The following RBFOX1 variants were observed in gnomAD, a reference collection of about 807,000 sequenced individuals.
RBFOX1 encodes the protein RNA binding protein fox-1 homolog 1.
In RBFOX1, 8 loss-of-function variants were observed where a neutral mutation model predicts 57.7. That is an observed-to-expected ratio of 0.14 (90% CI 0.08 to 0.25). RBFOX1 has a LOEUF of 0.25. Ranked by LOEUF, RBFOX1 falls within the 10% of genes least tolerant of loss-of-function variation. The pLI is 1.00. For missense variants in RBFOX1, 611 were observed against 548.5 expected, an observed-to-expected ratio of 1.11 and a Z score of -1.14; for synonymous variants, 326 against 222.4, an observed-to-expected ratio of 1.47 and a Z score of -4.15.
chr16:7,095,480 A>C (rs987909772), intron 4 of RBFOX1, among the ~76,000 whole-genome samples: 1 of 152,150 alleles, frequency 6.6e-6, no homozygotes, highest in Non-Finnish European at 1.5e-5. Context: ...AAATGAAAAC[A>C]TGCTTAATTT....
At chr16:6,983,114 A>C (rs911500017) in intron 3 of RBFOX1, among the ~76,000 whole-genome samples, 1 of 151,598 alleles carries the variant, frequency 6.6e-6, no homozygotes. Context: ...ACAGTTTTCC[A>C]GATACCAAAA....
At chr16:5,893,065 C>A (rs1189098039) in intron 4 of RBFOX1, among the ~76,000 whole-genome samples, 1 of 152,194 alleles carries the variant, frequency 6.6e-6, no homozygotes, top group Non-Finnish European at 1.5e-5. Context: ...TGGGAAGCCT[C>A]TTCAAAATCT....
intron 4 of RBFOX1, among the ~76,000 whole-genome samples, chr16:7,209,413 C>G (rs1404067625): frequency 1.3e-5 from 2 of 152,148 alleles, no homozygotes; most frequent in Non-Finnish European, 2.9e-5. Flanking sequence ...ACCCTAGTGA[C>G]CTCATTTTAA....
chr16:5,484,494 T>C (rs2151651586), intron 2 of RBFOX1, among the ~76,000 whole-genome samples: 1 of 152,352 alleles, frequency 6.6e-6, no homozygotes, highest in South Asian at 2.1e-4. Context: ...TAGAAACAGT[T>C]AAGGCTGGGC....
chr16:5,594,969 TAAAAAAA>T (rs34885484), intron 2 of RBFOX1, among the ~76,000 whole-genome samples: 24 of 90,446 alleles, frequency 2.7e-4, no homozygotes, highest in East Asian at 1.2e-3. Context: ...CTGTCTCTAC[TAAAAAAA>T]AAAAAAAAAA....
chr16:6,901,773 G>T (rs999252761), intron 3 of RBFOX1, among the ~76,000 whole-genome samples: 1 of 152,244 alleles, frequency 6.6e-6, no homozygotes, highest in South Asian at 2.1e-4. Context: ...AACACTCATA[G>T]ATGAGATGGA....
chr16:5,441,916 C>G (rs1040560555), intron 1 of RBFOX1, among the ~76,000 whole-genome samples: 1 of 152,176 alleles, frequency 6.6e-6, no homozygotes, highest in Non-Finnish European at 1.5e-5. Context: ...TCTCCCACGA[C>G]ACATGGGGAT....
intron 2 of RBFOX1, among the ~76,000 whole-genome samples, chr16:5,532,315 A>C (rs957433280): frequency 9.2e-5 from 14 of 152,186 alleles, no homozygotes; most frequent in Admixed American, 6.5e-4. Flanking sequence ...CAACATCGCC[A>C]TCACTTGAGA....
rs547206553 is a variant in RBFOX1, at chr16:5,609,932, G to T, written c.318+10971G>T. ...CATAATTTGTACTCTTACCCTCTTT[G>T]AGTTTTTATTCAAATATTATCTTCT... is the stretch of plus-strand genomic sequence containing the variant. On this transcript the variant is annotated intron_variant, in intron 3 of 19. Coordinates refer to the RBFOX1 transcript ENST00000641259. Among the ~76,000 whole-genome samples the T allele has an allele frequency of 7.9e-5, 12 of 152,256 alleles. No individual in the cohort carries two copies. The South Asian group carries it at 2.1e-3, about 26-fold the overall frequency.
intron 4 of RBFOX1, among the ~76,000 whole-genome samples, chr16:7,198,951 C>A (rs1253107245): frequency 6.6e-6 from 1 of 152,118 alleles, no homozygotes; most frequent in East Asian, 1.9e-4. Context: ...TGCAGGAGAA[C>A]CCCTGAAATC....
intron 3 of RBFOX1, among the ~76,000 whole-genome samples, chr16:6,840,318 G>A (rs1241198270): frequency 3.9e-5 from 6 of 152,196 alleles, no homozygotes; most frequent in African/African-American, 9.7e-5. Context: ...GTAAGGGGCT[G>A]CAGGGCCGCC....
intron 1 of RBFOX1, among the ~76,000 whole-genome samples, chr16:5,452,788 C>T (rs145759737): frequency 0.014 from 2,060 of 152,080 alleles, 17 homozygotes; most frequent in Middle Eastern, 0.027. Context: ...GGATTACAGG[C>T]GTGCACCACC....
Position 6,950,956 on chromosome 16 carries a change from A to C in RBFOX1, c.-15-101101A>C, listed in dbSNP as rs1300257980. On this transcript the variant is annotated intron_variant, in intron 3 of 15. Transcript: ENST00000550418. Reference sequence around the variant, plus strand: ...GATCTTGCTCTGTTTCTCAGGCTGGAGTGCAGTGGCATGATCACAGCTCAT... The same window carrying C: ...GATCTTGCTCTGTTTCTCAGGCTGGCGTGCAGTGGCATGATCACAGCTCAT... Among the ~76,000 whole-genome samples the C allele has an allele frequency of 2.7e-5, 4 of 150,010 alleles. No homozygotes were observed. The East Asian group carries it at 7.9e-4, about 29-fold the overall frequency.
In RBFOX1 at chr16:5,640,785, C is replaced by T. The variant is rs548296980; in HGVS notation, c.318+41824C>T. ...GATACACACAGGCACATACACACAC[C>T]ATGCATACACACACATATACACATG... On this transcript the variant is annotated intron_variant, in intron 3 of 19. Coordinates refer to the RBFOX1 transcript ENST00000641259. 9.4e-5 allele frequency among the ~76,000 whole-genome samples: 14 copies of T among 149,102 alleles called. No homozygotes were observed. The South Asian group carries it at 1.7e-3, about 18-fold the overall frequency.
intron 3 of RBFOX1, among the ~76,000 whole-genome samples, chr16:5,836,847 T>G (rs2056474429): frequency 6.6e-6 from 1 of 152,202 alleles, no homozygotes; most frequent in Middle Eastern, 3.2e-3. Flanking sequence ...CTTGTCCACA[T>G]CAGCCCAGGC....
chr16:6,248,203 G>A (rs925097590), intron 1 of RBFOX1, among the ~76,000 whole-genome samples: 3 of 152,276 alleles, frequency 2.0e-5, no homozygotes, highest in African/African-American at 7.2e-5. Flanking sequence ...AATAGGTTAT[G>A]TTTTTAATGT....
At chr16:6,085,297 G>A (rs933852296) in intron 1 of RBFOX1, among the ~76,000 whole-genome samples, 6 of 152,114 alleles carry the variant, frequency 3.9e-5, no homozygotes, top group South Asian at 2.1e-4. Context: ...TTTGAGACGC[G>A]GTTTCGCTCT....
intron 3 of RBFOX1, among the ~76,000 whole-genome samples, chr16:6,838,935 G>C (rs762621689): frequency 1.3e-5 from 2 of 150,756 alleles, no homozygotes; most frequent in Non-Finnish European, 3.0e-5. Context: ...ACTGGTTTTT[G>C]ATTTTTTTTT....
intron 1 of RBFOX1, among the ~76,000 whole-genome samples, chr16:6,293,544 C>T (rs1223253939): frequency 1.3e-5 from 2 of 152,126 alleles, no homozygotes; most frequent in Non-Finnish European, 2.9e-5. Context: ...CTTCAGGGAA[C>T]TGATAATCTA....
Sources: gnomAD v4.1 joint callset for allele counts (sites outside exome capture counted in the v4.1 genomes callset) on GRCh38, gnomAD v4.1.1 for gene constraint, MANE v1.5 for transcripts, NCBI Gene and HGNC (gene_info 2026-07-23, HGNC 2026-07-21) for gene names.